Variants in SRI observed in about 807,000 individuals in gnomAD.
The protein encoded by SRI is sorcin.
A neutral mutation model predicts 33.3 loss-of-function variants in SRI; 30 were observed. The observed-to-expected ratio is 0.90, with a 90% CI of 0.67 to 1.22. The LOEUF is 1.22. Among genes scored for constraint, SRI ranks in the 50% most tolerant of loss-of-function variants. SRI has a pLI of 0.00. For synonymous variants in SRI, 75 were observed against 89.9 expected (o/e 0.83, Z 0.94); for missense variants, 243 against 250.8 (o/e 0.97, Z 0.21).
intron 3 of SRI, among the ~76,000 whole-genome samples, chr7:88,212,160 G>A (rs1160666078): frequency 6.6e-6 from 1 of 152,064 alleles, no homozygotes; most frequent in Non-Finnish European, 1.5e-5. Flanking sequence ...ACACAACTGC[G>A]CTCATTACTG....
intron 3 of SRI, among the ~76,000 whole-genome samples, chr7:88,215,089 C>A (rs1028505804): frequency 6.6e-6 from 1 of 152,212 alleles, no homozygotes; most frequent in Non-Finnish European, 1.5e-5. Flanking sequence ...ACCTGCTCAT[C>A]CAATTCGGAC....
At chr7:88,220,501 G>T (rs1851866823), upstream of SRI, among the ~76,000 whole-genome samples, 1 of 152,208 alleles carries the variant, frequency 6.6e-6, no homozygotes, top group Non-Finnish European at 1.5e-5. Context: ...AGCCTTAGGT[G>T]CCAGTGGGTG....
intron 3 of SRI, among the ~76,000 whole-genome samples, chr7:88,212,928 G>C (rs1046643683): frequency 6.6e-6 from 1 of 152,148 alleles, no homozygotes. Context: ...CAACCACAGC[G>C]CAGAGCCAAC....
chr7:88,220,618 C>G (rs1851868465), upstream of SRI, among the ~76,000 whole-genome samples: 1 of 152,170 alleles, frequency 6.6e-6, no homozygotes, highest in Non-Finnish European at 1.5e-5. Flanking sequence ...TTGCAGAGTT[C>G]ACTGAACGAC....
At chr7:88,214,566 T>C (rs73397634) in intron 3 of SRI, among the ~76,000 whole-genome samples, 4,639 of 152,120 alleles carry the variant, frequency 0.03, 242 homozygotes, top group African/African-American at 0.1. Context: ...TAAGGAAAAC[T>C]CTTTCTCAAT....
intron 7 of SRI, among the ~76,000 whole-genome samples, chr7:88,207,212 A>G (rs1451283668): frequency 6.6e-6 from 1 of 152,234 alleles, no homozygotes; most frequent in Admixed American, 6.5e-5. Flanking sequence ...CAGGATGTTT[A>G]GAAATCTTTT....
intron 7 of SRI, chr7:88,208,012 T>G (rs1049052799): frequency 6.6e-6 from 1 of 152,272 alleles, no homozygotes; most frequent in African/African-American, 2.4e-5. Context: ...AATTGTGATT[T>G]AAGTTGTTGC....
At chr7:88,214,362 T>G (rs1851655796) in intron 3 of SRI, among the ~76,000 whole-genome samples, 1 of 152,302 alleles carries the variant, frequency 6.6e-6, no homozygotes, top group Admixed American at 6.5e-5. Context: ...ACAGAGGACC[T>G]TGAATTCCTT....
At position 88,220,015 on chromosome 7, in the gene SRI, C is replaced by G; in HGVS notation, c.12G>C (p.Pro4=). 2 of 1,533,630 alleles carry G rather than the reference C, an allele frequency of 1.3e-6. No homozygotes were observed. Among genetic ancestry groups the G allele is most frequent in the South Asian group, 1.2e-5 (1 of 83,284 alleles). MAY[P]GHPGAGGGYY... is the part of the protein sequence containing the mutation. ...ACCCGCCGCCGGCGCCAGGATGCCC[C>G]GGGTACGCCATGCTGCAGACTGCGC... is the stretch of plus-strand genomic sequence containing the variant. The change falls in exon 1 of 8, where the codon CCG becomes CCC. Residue 4 remains proline (P), a synonymous_variant. Transcript: ENST00000265729.
chr7:88,216,842 A>T (rs1427468296), intron 3 of SRI: 3 of 471,084 alleles, frequency 6.4e-6, no homozygotes, highest in African/African-American at 2.0e-5. Context: ...TGGTACAATC[A>T]TAGATTACTG....
chr7:88,210,655 C>T, intron 4 of SRI: 1 of 516,514 alleles, frequency 1.9e-6, no homozygotes, highest in Non-Finnish European at 3.5e-6. Flanking sequence ...TGTACTTGTT[C>T]TATAATACTC....
At chr7:88,223,579 A>G (rs1211765799), upstream of SRI, among the ~76,000 whole-genome samples, 1 of 152,236 alleles carries the variant, frequency 6.6e-6, no homozygotes, top group Non-Finnish European at 1.5e-5. Context: ...ATCCATAGAC[A>G]ATAGATAAAT....
At position 88,206,079 on chromosome 7, in the gene SRI, C is replaced by T; in HGVS notation, c.*399G>A. 1 of 192,526 alleles carries T rather than the reference C, an allele frequency of 5.2e-6. No individual in the cohort carries two copies. The highest frequency in any genetic ancestry group is 1.1e-5 in the Non-Finnish European group (1 of 91,594). 11.9% of individuals were successfully genotyped at this position (192,526 alleles called of 1,614,324 possible). Reference sequence around the variant, plus strand: ...ACCCAAGTGCGTCTATGTCATTTACCTAAGTTTTTATGTGTGGAGTATTCT... The same window carrying T: ...ACCCAAGTGCGTCTATGTCATTTACTTAAGTTTTTATGTGTGGAGTATTCT... On this transcript the variant is annotated 3_prime_UTR_variant, in exon 8 of 8. Transcript: ENST00000265729.
rs1434276066 is a variant in SRI at position 88,205,659 on chromosome 7, A to G, written c.*819T>C. ...CGATACTCTGCTATGTGTATTTTTT[A>G]AAGTGTGAATACATGGTATATCAAA... On this transcript the variant is annotated 3_prime_UTR_variant, in exon 8 of 8. Coordinates refer to ENST00000265729, the MANE Select transcript of SRI (RefSeq NM_003130.4). 6.6e-6 allele frequency: 1 copy of G among 152,222 alleles called. No individual in the cohort carries two copies. Among genetic ancestry groups the G allele is most frequent in the Non-Finnish European group, 1.5e-5 (1 of 68,038 alleles). 9.4% of individuals were successfully genotyped at this position (152,222 alleles called of 1,614,324 possible).
At chr7:88,214,721 T>A in intron 3 of SRI, 1 of 451,128 alleles carries the variant, frequency 2.2e-6, no homozygotes, top group Non-Finnish European at 2.9e-6. Flanking sequence ...AATTATTAAT[T>A]CAACATTTTG....
At chr7:88,216,418 T>C (rs966779492) in intron 3 of SRI, among the ~76,000 whole-genome samples, 2 of 152,130 alleles carry the variant, frequency 1.3e-5, no homozygotes, top group African/African-American at 4.8e-5. Flanking sequence ...CCTGAATACA[T>C]TCTATGAAGT....
At chr7:88,219,851 C>T (rs1000942631) in intron 1 of SRI, 125 bp downstream of exon 1, 112 of 1,217,968 alleles carry the variant, frequency 9.2e-5, no homozygotes, top group Non-Finnish European at 1.2e-4. Context: ...AGGGAGAAGC[C>T]GAGGGCGGAA....
At chr7:88,216,858 A>C in intron 3 of SRI, 1 of 498,002 alleles carries the variant, frequency 2.0e-6, no homozygotes. Context: ...TACTGCAGCC[A>C]AAAACTCTTG....
At chr7:88,220,088 GC>G, upstream of SRI, 1 of 1,453,996 alleles carries the variant, frequency 6.9e-7, no homozygotes, top group Non-Finnish European at 9.0e-7. Flanking sequence ...CCCCTGCCCC[GC>G]CCCGCCCTGC....
Sources: allele counts gnomAD v4.1 joint callset (sites outside exome capture counted in the v4.1 genomes callset), GRCh38; gene constraint gnomAD v4.1.1; transcripts MANE v1.5; gene names NCBI Gene and HGNC (gene_info 2026-07-23, HGNC 2026-07-21).